NT5E: variants seen among roughly 807,000 people sequenced by gnomAD.
The protein encoded by NT5E is 5'-nucleotidase.
A neutral mutation model predicts 55.1 loss-of-function variants in NT5E; 53 were observed. That is an observed-to-expected ratio of 0.96 (90% CI 0.77 to 1.21). The LOEUF (loss-of-function observed/expected upper bound fraction) is 1.21. Ranked by LOEUF, NT5E falls within the 50% of genes most tolerant of loss-of-function variation. The probability of loss-of-function intolerance (pLI) is 0.00; values close to 1 mark genes in which losing one functional copy is unlikely to be tolerated. For synonymous variants in NT5E, 270 were observed against 278.4 expected, an observed-to-expected ratio of 0.97 and a Z score of 0.30; for missense variants, 683 against 724.3, an observed-to-expected ratio of 0.94 and a Z score of 0.65.
intron 3 of NT5E, among the ~76,000 whole-genome samples, chr6:85,483,348 T>C (rs1287155683): frequency 2.6e-5 from 4 of 152,338 alleles, no homozygotes; most frequent in Admixed American, 6.5e-5. Context: ...CATAACTACC[T>C]GGTCCCCTGA....
At chr6:85,493,167 A>T (rs1769822244) in intron 8 of NT5E, among the ~76,000 whole-genome samples, 1 of 152,202 alleles carries the variant, frequency 6.6e-6, no homozygotes, top group South Asian at 2.1e-4. Context: ...TCACTTCAGG[A>T]GCATTTTAAA....
intron 1 of NT5E, among the ~76,000 whole-genome samples, chr6:85,455,435 T>C (rs1248084913): frequency 6.6e-6 from 1 of 152,156 alleles, no homozygotes; most frequent in African/African-American, 2.4e-5. Flanking sequence ...TTGAACAAGA[T>C]GTGAGGAGCT....
intron 3 of NT5E, among the ~76,000 whole-genome samples, chr6:85,474,864 G>T (rs935555834): frequency 1.3e-5 from 2 of 152,282 alleles, no homozygotes; most frequent in South Asian, 4.1e-4. Flanking sequence ...AATCGGGGAG[G>T]TTGAGGATGC....
At chr6:85,458,890 T>C (rs752280090) in intron 1 of NT5E, among the ~76,000 whole-genome samples, 1 of 152,172 alleles carries the variant, frequency 6.6e-6, no homozygotes, top group Non-Finnish European at 1.5e-5. Context: ...CCAAACCCAG[T>C]TGCAGCTGGG....
chr6:85,483,214 C>CA (rs1010564851), intron 3 of NT5E, among the ~76,000 whole-genome samples: 1 of 152,234 alleles, frequency 6.6e-6, no homozygotes, highest in Non-Finnish European at 1.5e-5. Context: ...AGGAAACTGA[C>CA]AGACTCCTGA....
At chr6:85,485,919 T>C (rs1198942712) in intron 4 of NT5E, among the ~76,000 whole-genome samples, 1 of 152,172 alleles carries the variant, frequency 6.6e-6, no homozygotes, top group Non-Finnish European at 1.5e-5. Context: ...CGCAATGCAA[T>C]GGGGCTCTCT....
At position 85,450,898 on chromosome 6, in the gene NT5E, C is replaced by T. The variant is rs1168288095; in HGVS notation, c.339+420C>T. ...ATCTCAATCTTATTGAAAGGGAAAC[C>T]GCGTCGAAGAAGCTGAATAAATTAA... On this transcript the variant is annotated intron_variant, in intron 1 of 8. Coordinates refer to ENST00000257770, the MANE Select transcript of NT5E (RefSeq NM_002526.4). The surrounding 1 kb of genome is among the most constrained non-coding windows in gnomAD (Gnocchi z 4.0). Among the ~76,000 whole-genome samples the T allele has an allele frequency of 1.3e-5, 2 of 152,104 alleles. No homozygotes were observed. Among genetic ancestry groups the T allele is most frequent in the Non-Finnish European group, 2.9e-5 (2 of 68,028 alleles).
chr6:85,486,238 G>A (rs1050887528), intron 4 of NT5E, among the ~76,000 whole-genome samples: 6 of 152,116 alleles, frequency 3.9e-5, no homozygotes, highest in South Asian at 2.1e-4. Flanking sequence ...TAGTGTGTGC[G>A]TCAGTAATTT....
At chr6:85,489,421 A>G (rs1769736765) in intron 5 of NT5E, 73 bp from the exon 6 acceptor site, 1 of 1,061,040 alleles carries the variant, frequency 9.4e-7, no homozygotes, top group Admixed American at 1.7e-5. Flanking sequence ...CACTAGAGCT[A>G]ACCAGATTCC....
At chr6:85,491,631 C>T (rs970414852) in intron 7 of NT5E, among the ~76,000 whole-genome samples, 1 of 152,342 alleles carries the variant, frequency 6.6e-6, no homozygotes, top group Middle Eastern at 3.4e-3. Context: ...ATGCTCTCTG[C>T]CTCTGATCTG....
At chr6:85,481,129 T>C (rs1395149681) in intron 3 of NT5E, among the ~76,000 whole-genome samples, 1 of 152,210 alleles carries the variant, frequency 6.6e-6, no homozygotes, top group Non-Finnish European at 1.5e-5. Context: ...TAAGTTGTCA[T>C]TCAACAAACA....
chr6:85,454,413 T>C lies in NT5E; in HGVS notation c.339+3935T>C, dbSNP rs145800139. Among the ~76,000 whole-genome samples, 520 of 152,378 alleles carry C rather than the reference T, an allele frequency of 3.4e-3. 1 individual carries two copies. Among genetic ancestry groups the C allele is most frequent in the Non-Finnish European group, 6.3e-3 (427 of 68,034 alleles). ...CACATTGCTGCTTTATCATGTACTTTTCTAATAACTAGTGAGTTTGGACAT... is the reference window on the plus strand; with the variant it reads ...CACATTGCTGCTTTATCATGTACTTCTCTAATAACTAGTGAGTTTGGACAT... On this transcript the variant is annotated intron_variant, in intron 1 of 8. Transcript: ENST00000257770.
chr6:85,488,141 G>T (rs1769703967), intron 5 of NT5E, among the ~76,000 whole-genome samples: 1 of 152,172 alleles, frequency 6.6e-6, no homozygotes. Context: ...AAGTCCTATG[G>T]CTGAGCAAGA....
At chr6:85,479,378 T>A (rs1769496607) in intron 3 of NT5E, among the ~76,000 whole-genome samples, 1 of 152,236 alleles carries the variant, frequency 6.6e-6, no homozygotes, top group Non-Finnish European at 1.5e-5. Flanking sequence ...AATTCATGAC[T>A]GCTCATCTGT....
At chr6:85,472,961 A>C (rs142352954) in intron 3 of NT5E, among the ~76,000 whole-genome samples, 159 of 152,324 alleles carry the variant, frequency 1.0e-3, no homozygotes, top group Middle Eastern at 3.4e-3. Flanking sequence ...CATTACTCAT[A>C]AGAATGATAA....
At chr6:85,476,179 C>T (rs1227140210) in intron 3 of NT5E, among the ~76,000 whole-genome samples, 1 of 152,292 alleles carries the variant, frequency 6.6e-6, no homozygotes, top group South Asian at 2.1e-4. Flanking sequence ...GTTCAGAGTC[C>T]CTTGATCTCC....
At chr6:85,457,687 G>A (rs763370145) in intron 1 of NT5E, among the ~76,000 whole-genome samples, 24 of 152,112 alleles carry the variant, frequency 1.6e-4, no homozygotes, top group Non-Finnish European at 3.2e-4. Context: ...AAGAGTATGA[G>A]CCCAGTTTTG....
At chr6:85,453,710 C>T (rs1019017713) in intron 1 of NT5E, among the ~76,000 whole-genome samples, 5 of 152,122 alleles carry the variant, frequency 3.3e-5, no homozygotes, top group East Asian at 1.9e-4. Flanking sequence ...ACTTCCTGCC[C>T]ATAAGGCTGC....
intron 6 of NT5E, among the ~76,000 whole-genome samples, 198 bp downstream of exon 6, chr6:85,489,797 C>T (rs898331130): frequency 6.6e-6 from 1 of 152,266 alleles, no homozygotes; most frequent in South Asian, 2.1e-4. Flanking sequence ...CACACACAAG[C>T]TTGTGTGTTC....
Sources: allele counts gnomAD v4.1 joint callset (sites outside exome capture counted in the v4.1 genomes callset), GRCh38; gene constraint gnomAD v4.1.1; non-coding constraint Gnocchi (gnomAD v3.1); transcripts MANE v1.5; gene names NCBI Gene and HGNC (gene_info 2026-07-23, HGNC 2026-07-21).